Variants in KCNT1 observed in about 807,000 individuals in gnomAD.
KCNT1 encodes the protein potassium sodium-activated channel subfamily T member 1.
In KCNT1, 78 loss-of-function variants were observed where a neutral mutation model predicts 147.8. The observed-to-expected ratio is 0.53, with a 90% CI of 0.44 to 0.64. The LOEUF (loss-of-function observed/expected upper bound fraction) is 0.64. KCNT1 is among the 30% of genes least tolerant of loss of function. The pLI, the probability that KCNT1 is intolerant of heterozygous loss-of-function variation, is 0.00. For missense variants in KCNT1, 1,419 were observed against 1,750.3 expected, an observed-to-expected ratio of 0.81 and a Z score of 3.38; for synonymous variants, 867 against 748.8, an observed-to-expected ratio of 1.16 and a Z score of -2.58.
intron 24 of KCNT1, 56 bp from the exon 25 acceptor site, chr9:135,783,968 C>T (rs960043485): frequency 1.5e-5 from 21 of 1,380,654 alleles, no homozygotes; most frequent in East Asian, 4.6e-5. Flanking sequence ...CCGTGGCTGC[C>T]GTGCCACTGG....
chr9:135,762,796 G>A (rs1832001697), intron 11 of KCNT1, among the ~76,000 whole-genome samples: 1 of 152,224 alleles, frequency 6.6e-6, no homozygotes, highest in African/African-American at 2.4e-5. Context: ...AGGTGCACCA[G>A]GTCCTGCAGG....
Position 135,765,151 on chromosome 9 carries a change from C to T in KCNT1, c.1156C>T (p.Leu386Phe), listed in dbSNP as rs780875110. 3.1e-5 allele frequency: 50 copies of T among 1,613,326 alleles called. No homozygotes were observed. Among genetic ancestry groups the T allele is most frequent in the Middle Eastern group, 3.3e-4 (2 of 6,078 alleles). The change falls in exon 12 of 31, where the codon CTC becomes TTC. Residue 386 changes from leucine (L) to phenylalanine (F), a missense_variant. By Grantham distance (22) the Leu-to-Phe change is conservative (BLOSUM62 0). This residue lies in a region of KCNT1 where 401 missense variants were observed against 610.6 expected (regional missense o/e 0.66). Coordinates refer to ENST00000371757, the MANE Select transcript of KCNT1 (RefSeq NM_020822.3). The part of the protein sequence containing the change: ...LCVSSLKIDL[L>F]MDFLNEFYAH... ...TGTCAGCTCCCTCAAGATCGACCTTCTCATGGACTTCCTGAACGAGTTCTA... is the reference window on the plus strand; with the variant it reads ...TGTCAGCTCCCTCAAGATCGACCTTTTCATGGACTTCCTGAACGAGTTCTA...
At chr9:135,737,239 C>T (rs1432455083) in intron 2 of KCNT1, among the ~76,000 whole-genome samples, 1 of 152,186 alleles carries the variant, frequency 6.6e-6, no homozygotes, top group African/African-American at 2.4e-5. Context: ...CTGGGGAGCC[C>T]TGCTGTGGGG....
At chr9:135,721,174 G>A (rs368861969) in intron 2 of KCNT1, among the ~76,000 whole-genome samples, 2 of 152,030 alleles carry the variant, frequency 1.3e-5, no homozygotes, top group Admixed American at 1.3e-4. Context: ...CAACGCTCTC[G>A]GCCTGAGCTG....
In KCNT1 at chr9:135,706,895, G is replaced by A. The variant is rs544746971; in HGVS notation, c.110+4527G>A. On this transcript the variant is annotated intron_variant, in intron 1 of 30. Coordinates refer to ENST00000371757, the MANE Select transcript of KCNT1 (RefSeq NM_020822.3). The stretch of plus-strand genomic sequence containing the variant: ...CTCAGGGTACGGGCCCCTAGATGGA[G>A]CAGGGGCCCTGTGCCTCAGCCTCCC... Among the ~76,000 whole-genome samples the A allele has an allele frequency of 5.3e-5, 8 of 152,254 alleles. 1 individual carries two copies. Among genetic ancestry groups the A allele is most frequent in the Admixed American group, 2.0e-4 (3 of 15,290 alleles).
intron 2 of KCNT1, among the ~76,000 whole-genome samples, chr9:135,726,717 CT>C (rs1836160603): frequency 1.3e-5 from 2 of 150,098 alleles, no homozygotes; most frequent in African/African-American, 4.9e-5. Flanking sequence ...CCCTCTCTCT[CT>C]CTCACTCTCT....
intron 2 of KCNT1, among the ~76,000 whole-genome samples, chr9:135,745,008 C>T (rs1478260099): frequency 2.6e-5 from 4 of 152,228 alleles, no homozygotes; most frequent in African/African-American, 9.6e-5. Flanking sequence ...GCGCCCTGAG[C>T]CCGCCTCCCA....
intron 13 of KCNT1, among the ~76,000 whole-genome samples, chr9:135,767,898 G>C (rs952956347): frequency 2.0e-5 from 3 of 152,032 alleles, no homozygotes; most frequent in African/African-American, 7.2e-5. Flanking sequence ...ACTCAGGGCC[G>C]TGGCCAGGAG....
chr9:135,787,021 C>T (rs566629504), intron 29 of KCNT1, among the ~76,000 whole-genome samples: 35 of 152,338 alleles, frequency 2.3e-4, no homozygotes, highest in South Asian at 8.3e-4. Context: ...CCTGAGTTCT[C>T]GCAGAGAACA....
At chr9:135,778,359 C>T (rs879488338) in intron 21 of KCNT1, 65 bp from the exon 22 acceptor site, 2 of 1,434,796 alleles carry the variant, frequency 1.4e-6, no homozygotes, top group Admixed American at 3.9e-5. Context: ...GGTAGGGCCC[C>T]ACTGGGCCTG....
intron 20 of KCNT1, among the ~76,000 whole-genome samples, chr9:135,776,316 G>A (rs1182682102): frequency 6.6e-6 from 1 of 152,080 alleles, no homozygotes; most frequent in Non-Finnish European, 1.5e-5. Flanking sequence ...GGAGTGCAGT[G>A]GTGGGATCAT....
chr9:135,791,702 C>A, intron 29 of KCNT1, 95 bp from the exon 30 acceptor site: 1 of 1,062,624 alleles, frequency 9.4e-7, no homozygotes, highest in Non-Finnish European at 1.4e-6. Flanking sequence ...CGGAAAGACT[C>A]AGCTCATCCT....
chr9:135,739,732 G>A (rs1026565282), intron 2 of KCNT1, among the ~76,000 whole-genome samples: 4 of 152,054 alleles, frequency 2.6e-5, no homozygotes, highest in African/African-American at 4.8e-5. Context: ...GCTTTGCCCC[G>A]CTCCGGGCTG....
chr9:135,757,075 T>A, intron 7 of KCNT1, 81 bp from the exon 8 acceptor site: 1 of 1,026,186 alleles, frequency 9.7e-7, no homozygotes, highest in Non-Finnish European at 1.4e-6. Context: ...CTCCTCGCCC[T>A]CTTCCCCACC....
intron 2 of KCNT1, among the ~76,000 whole-genome samples, chr9:135,717,907 G>A (rs1021131756): frequency 1.3e-5 from 2 of 152,196 alleles, no homozygotes; most frequent in Non-Finnish European, 2.9e-5. Flanking sequence ...AGTCTGGCAT[G>A]GCCTCTCTCA....
rs114622140 is a variant in KCNT1 at position 135,724,060 on chromosome 9, C to T, written c.254+9340C>T. 4.4e-3 allele frequency among the ~76,000 whole-genome samples: 669 copies of T among 152,336 alleles called. 3 individuals are homozygous for T. Among genetic ancestry groups the T allele is most frequent in the African/African-American group, 0.014 (574 of 41,564 alleles). Reference sequence around the variant, plus strand: ...CCATGCCCTCCTCCCAGCACTCCTGCTTTCCCCTCTGAATTTTTATCCATC... The same window carrying T: ...CCATGCCCTCCTCCCAGCACTCCTGTTTTCCCCTCTGAATTTTTATCCATC... On this transcript the variant is annotated intron_variant, in intron 2 of 30. Coordinates refer to ENST00000371757, the MANE Select transcript of KCNT1 (RefSeq NM_020822.3).
At chr9:135,778,051 C>T (rs77869255) in intron 21 of KCNT1, among the ~76,000 whole-genome samples, 35 of 152,200 alleles carry the variant, frequency 2.3e-4, no homozygotes, top group African/African-American at 8.4e-4. Flanking sequence ...TCCCCCTCCT[C>T]CCTTGTCACT....
chr9:135,713,836 C>G (rs1173099815), intron 1 of KCNT1, among the ~76,000 whole-genome samples: 2 of 152,218 alleles, frequency 1.3e-5, no homozygotes, highest in African/African-American at 4.8e-5. Context: ...CCCCCAAGAA[C>G]TGCAGACCAC....
chr9:135,713,285 T>C lies in KCNT1; in HGVS notation c.111-1292T>C, dbSNP rs543367417. ...TTGTGACTAAGGAAAAACATGCAGC[T>C]ACGCTGATGCAGTTAGGAAAATGTT... On this transcript the variant is annotated intron_variant, in intron 1 of 30. Transcript: ENST00000371757. 3.1e-4 allele frequency among the ~76,000 whole-genome samples: 48 copies of C among 152,412 alleles called. No individual in the cohort carries two copies. The South Asian group carries it at 9.7e-3, about 31-fold the overall frequency.
Sources: gnomAD v4.1 joint callset for allele counts (sites outside exome capture counted in the v4.1 genomes callset) on GRCh38, gnomAD v4.1.1 for gene constraint, gnomAD v4.1.1 regional missense constraint, MANE v1.5 for transcripts, NCBI Gene and HGNC (gene_info 2026-07-23, HGNC 2026-07-21) for gene names.